CACNA2D4: variants seen among roughly 807,000 people sequenced by gnomAD.
The protein encoded by CACNA2D4 is calcium voltage-gated channel auxiliary subunit alpha2delta 4.
CACNA2D4 carries 157 observed loss-of-function variants against 163.8 expected under a neutral mutation model. The observed-to-expected ratio is 0.96, with a 90% CI of 0.84 to 1.09. The LOEUF (loss-of-function observed/expected upper bound fraction) is 1.09, where lower values mean the gene tolerates loss of function less well. Among genes scored for constraint, CACNA2D4 ranks in the 50% least tolerant of loss-of-function variants. The pLI is 0.00. For missense variants in CACNA2D4, 1,410 were observed against 1,479.9 expected (o/e 0.95, Z 0.78); for synonymous variants, 598 against 586.9 (o/e 1.02, Z -0.27).
At chr12:1,881,771 A>G (rs985961415) in intron 13 of CACNA2D4, among the ~76,000 whole-genome samples, 3 of 152,276 alleles carry the variant, frequency 2.0e-5, no homozygotes, top group African/African-American at 7.2e-5. Flanking sequence ...GGTGATGGTC[A>G]GATGACATCT....
chr12:1,814,297 G>C (rs1039879742), intron 26 of CACNA2D4, among the ~76,000 whole-genome samples: 32 of 152,268 alleles, frequency 2.1e-4, no homozygotes, highest in African/African-American at 7.0e-4. Flanking sequence ...GGCAGAAATG[G>C]GGGGAGCAGG....
chr12:1,803,953 G>A (rs916339572), intron 29 of CACNA2D4, among the ~76,000 whole-genome samples: 3 of 152,178 alleles, frequency 2.0e-5, no homozygotes, highest in African/African-American at 4.8e-5. Flanking sequence ...ACATGGCAGC[G>A]GGACAGCAGG....
intron 23 of CACNA2D4, among the ~76,000 whole-genome samples, chr12:1,853,008 T>C (rs1865319711): frequency 6.6e-6 from 1 of 152,126 alleles, no homozygotes; most frequent in African/African-American, 2.4e-5. Flanking sequence ...CCCACTAGAT[T>C]GTTTTTCTTT....
In CACNA2D4 at chr12:1,878,502, G is replaced by A; in HGVS notation, c.1645-113C>T. 1 of 1,541,094 alleles carries A rather than the reference G, an allele frequency of 6.5e-7. No homozygotes were observed. Among genetic ancestry groups the A allele is most frequent in the Non-Finnish European group, 8.7e-7 (1 of 1,142,918 alleles). On this transcript the variant is annotated intron_variant, in intron 15 of 37. Coordinates refer to ENST00000382722, the MANE Select transcript of CACNA2D4 (RefSeq NM_172364.5). The surrounding 1 kb of genome is among the most constrained non-coding windows in gnomAD (Gnocchi z 4.6). ...GTCAAAGATGGCAGCTCACAGCAGTGAGTGTTTTCAATAGGAACGTAACTG... is the reference window on the plus strand; with the variant it reads ...GTCAAAGATGGCAGCTCACAGCAGTAAGTGTTTTCAATAGGAACGTAACTG...
chr12:1,859,966 A>G (rs1387309235), intron 19 of CACNA2D4, among the ~76,000 whole-genome samples, 179 bp downstream of exon 19: 1 of 152,258 alleles, frequency 6.6e-6, no homozygotes, highest in Non-Finnish European at 1.5e-5. Context: ...GTTCACGTCC[A>G]GGCAGTTTGG....
At chr12:1,796,951 G>A (rs1050822060) in intron 35 of CACNA2D4, among the ~76,000 whole-genome samples, 1 of 152,212 alleles carries the variant, frequency 6.6e-6, no homozygotes, top group Non-Finnish European at 1.5e-5. Flanking sequence ...CCAGCGACCC[G>A]AGGACATCGC....
rs1219856356 is a variant in CACNA2D4, at chr12:1,840,829, C to G, written c.2471-10G>C. On this transcript the variant is annotated splice_polypyrimidine_tract_variant and intron_variant, in intron 25 of 37. Transcript: ENST00000382722. ...GGTTCACCCGCACTTTCTGGGGAAA[C>G]AGAGACAACCCAGTCATGGGGAAGA... 1 of 1,556,912 alleles carries G rather than the reference C, an allele frequency of 6.4e-7. No individual in the cohort carries two copies.
chr12:1,913,525 C>T (rs1866886833), intron 2 of CACNA2D4, among the ~76,000 whole-genome samples: 1 of 152,232 alleles, frequency 6.6e-6, no homozygotes, highest in African/African-American at 2.4e-5. Flanking sequence ...CATCCCAGGG[C>T]TTGTGAAACC....
Position 1,918,318 on chromosome 12 carries a change from G to C in CACNA2D4, c.156C>G (p.Ala52=), listed in dbSNP as rs765928739. Residue 52 remains alanine, a synonymous_variant, in exon 1 of 38, where the codon GCC becomes GCG. Transcript: ENST00000382722. ...VAWAFVQKTS[A]LLWLLLLGTS... is the part of the protein sequence containing the mutation. ...TGCCTAGAAGCAGCAGCCACAGGAG[G>C]GCCGAGGTCTTCTGCACAAAGGCCC... The C allele has an allele frequency of 3.1e-6, 5 of 1,610,192 alleles. No homozygotes were observed. Among genetic ancestry groups the C allele is most frequent in the Non-Finnish European group, 4.2e-6 (5 of 1,178,166 alleles).
At chr12:1,867,993 G>A (rs1865690856) in intron 18 of CACNA2D4, among the ~76,000 whole-genome samples, 1 of 152,144 alleles carries the variant, frequency 6.6e-6, no homozygotes, top group African/African-American at 2.4e-5. Flanking sequence ...TGAAGAAAGG[G>A]GAACCTTTGT....
intron 11 of CACNA2D4, among the ~76,000 whole-genome samples, 173 bp from the exon 12 acceptor site, chr12:1,884,494 T>C (rs1389412273): frequency 6.6e-6 from 1 of 152,164 alleles, no homozygotes; most frequent in African/African-American, 2.4e-5. Flanking sequence ...CCATGGGGAC[T>C]GCGGGTAGGT....
chr12:1,904,755 A>G (rs554892674), intron 6 of CACNA2D4, among the ~76,000 whole-genome samples: 5 of 152,222 alleles, frequency 3.3e-5, no homozygotes, highest in African/African-American at 1.2e-4. Flanking sequence ...ATACATATAA[A>G]AGGAAATGAG....
rs1225914710 is a variant in CACNA2D4, at chr12:1,886,351, G to T, written c.865C>A (p.Pro289Thr). ...RGWYIQAATSPKDIVILVDVS... is the reference protein window; with the variant it reads ...RGWYIQAATSTKDIVILVDVS... The stretch of plus-strand genomic sequence containing the variant: ...TCCACCAAAATCACTATGTCCTTGG[G>T]AGAAGTAGCAGCTTGAATGTACCTG... Residue 289 changes from proline (P) to threonine (T), a missense_variant, in exon 8 of 38, where the codon CCC becomes ACC. By Grantham distance (38) the Pro-to-Thr change is conservative (BLOSUM62 -1). Transcript: ENST00000382722. 6.2e-7 allele frequency: 1 copy of T among 1,613,890 alleles called. No individual in the cohort carries two copies.
rs200865323 is a variant in CACNA2D4 at position 1,918,287 on chromosome 12, G to A, written c.187C>T (p.Leu63=). 3 of 1,610,652 alleles carry A rather than the reference G, an allele frequency of 1.9e-6. No individual in the cohort carries two copies. The highest frequency in any genetic ancestry group is 3.4e-5 in the Admixed American group (2 of 59,428). Residue 63 remains leucine (L), a synonymous_variant, in exon 1 of 38, where the codon CTG becomes TTG. Transcript: ENST00000382722. ...LLWLLLLGTS[L]SPAWGQAKIP... ...TTGGCCTGTCCCCACGCAGGGGACA[G>A]GGAGGTGCCTAGAAGCAGCAGCCAC...
At chr12:1,797,390 G>T in intron 35 of CACNA2D4, 28 bp downstream of exon 35, 1 of 1,468,404 alleles carries the variant, frequency 6.8e-7, no homozygotes, top group South Asian at 1.2e-5. Context: ...AGTGTGGCGG[G>T]ACGGGCGGCG....
intron 26 of CACNA2D4, among the ~76,000 whole-genome samples, chr12:1,838,335 C>T (rs958974103): frequency 1.3e-5 from 2 of 152,136 alleles, no homozygotes; most frequent in African/African-American, 2.4e-5. Context: ...GCAATCGTCA[C>T]CATACAGCCC....
Position 1,834,639 on chromosome 12 carries a change from G to A in CACNA2D4, c.2551+6100C>T, listed in dbSNP as rs762791910. 10 of 1,600,558 alleles carry A rather than the reference G, an allele frequency of 6.2e-6. No homozygotes were observed. The highest frequency in any genetic ancestry group is 4.4e-5 in the South Asian group (4 of 91,072). On this transcript the variant is annotated intron_variant, in intron 26 of 37. Coordinates refer to ENST00000382722, the MANE Select transcript of CACNA2D4 (RefSeq NM_172364.5). This position sits in a 1 kb window ranked among gnomAD's most constrained non-coding sequence, Gnocchi z 7.6. ...GCCTCCCTCATGGCCAAGTACCACC[G>A]GGAGCTCAAAAAGCGCCAGCCCCTG...
chr12:1,886,362 G>T lies in CACNA2D4; in HGVS notation c.854C>A (p.Ala285Asp). The change falls in exon 8 of 38, where the codon GCT (alanine) becomes GAT (aspartate). Residue 285 changes from alanine to aspartate, a missense_variant. Transcript: ENST00000382722. ...DCRNRGWYIQ[A>D]ATSPKDIVIL... is the part of the protein sequence containing the mutation. Reference sequence around the variant, plus strand: ...CACTATGTCCTTGGGAGAAGTAGCAGCTTGAATGTACCTGAAGGAAGAAAG... The same window carrying T: ...CACTATGTCCTTGGGAGAAGTAGCATCTTGAATGTACCTGAAGGAAGAAAG... The T allele has an allele frequency of 6.2e-7, 1 of 1,613,740 alleles. No homozygotes were observed. The highest frequency in any genetic ancestry group is 1.3e-5 in the African/African-American group (1 of 75,038).
intron 26 of CACNA2D4, among the ~76,000 whole-genome samples, chr12:1,824,992 A>G (rs1046904326): frequency 8.5e-5 from 13 of 152,248 alleles, no homozygotes; most frequent in African/African-American, 3.1e-4. Context: ...AGCACAGGGC[A>G]TATCCGCATG....
Sources: gnomAD v4.1 joint callset for allele counts (sites outside exome capture counted in the v4.1 genomes callset) on GRCh38, gnomAD v4.1.1 for gene constraint, Gnocchi (gnomAD v3.1) non-coding constraint, MANE v1.5 for transcripts, NCBI Gene and HGNC (gene_info 2026-07-23, HGNC 2026-07-21) for gene names.